Variants in TRPV2 observed in about 807,000 individuals in gnomAD.
TRPV2 encodes OTRPC2.
A neutral mutation model predicts 91.0 loss-of-function variants in TRPV2; 58 were observed. The ratio of observed to expected loss-of-function variants is 0.64; its 90% CI spans 0.52 to 0.79. The LOEUF is 0.79. Among genes scored for constraint, TRPV2 ranks in the 30% least tolerant of loss-of-function variants. The pLI is 0.00. For missense variants in TRPV2, 807 were observed against 969.6 expected (o/e 0.83, Z 2.23); for synonymous variants, 417 against 414.8 (o/e 1.01, Z -0.06).
intron 9 of TRPV2, 114 bp from the exon 10 acceptor site, chr17:16,428,703 C>A: frequency 8.3e-7 from 1 of 1,209,622 alleles, no homozygotes; most frequent in Non-Finnish European, 1.2e-6. Context: ...CTGAGGCCCA[C>A]AGAGGTTAAA....
chr17:16,419,388 T>C (rs1326964277), intron 2 of TRPV2: 1 of 470,892 alleles, frequency 2.1e-6, no homozygotes, highest in East Asian at 6.9e-5. Context: ...GTTTCAACAT[T>C]GGGCCCAGCG....
At chr17:16,422,497 T>C in intron 3 of TRPV2, 102 bp from the exon 4 acceptor site, 1 of 1,224,646 alleles carries the variant, frequency 8.2e-7, no homozygotes, top group South Asian at 1.4e-5. Flanking sequence ...CTTTTAATCC[T>C]CCCAAGGGGT....
chr17:16,433,838 A>G, intron 13 of TRPV2, 140 bp downstream of exon 13: 1 of 1,269,482 alleles, frequency 7.9e-7, no homozygotes, highest in Non-Finnish European at 1.1e-6. Context: ...ACTGAGCCTG[A>G]GCAGGTGAGG....
intron 13 of TRPV2, among the ~76,000 whole-genome samples, chr17:16,434,369 G>A (rs930754457): frequency 5.3e-5 from 8 of 151,342 alleles, no homozygotes; most frequent in African/African-American, 1.2e-4. Context: ...TCAGGAGGCC[G>A]ACGCAGGAGA....
In TRPV2 at chr17:16,417,733, G is replaced by A; in HGVS notation, c.65G>A (p.Gly22Asp). 1 of 1,614,224 alleles carries A rather than the reference G, an allele frequency of 6.2e-7. No individual in the cohort carries two copies. Among genetic ancestry groups the A allele is most frequent in the South Asian group, 1.1e-5 (1 of 91,088 alleles). ...ACATTAGATGGAGGCCAAGAAGATG[G>A]CTCTGAGGCGGACAGAGGAAAGCTG... is the stretch of plus-strand genomic sequence containing the variant. Reference protein sequence around the residue: ...LETLDGGQEDGSEADRGKLDF... With the variant: ...LETLDGGQEDDSEADRGKLDF... The change falls in exon 2 of 15, where the codon GGC (glycine) becomes GAC (aspartate). Residue 22 changes from glycine (G) to aspartate (D), a missense_variant. By Grantham distance (94) the Gly-to-Asp change is moderately conservative (BLOSUM62 -1). Coordinates refer to ENST00000338560, the MANE Select transcript of TRPV2 (RefSeq NM_016113.5).
In TRPV2 at chr17:16,434,915, T is replaced by C. The variant is rs1483088829; in HGVS notation, c.2140T>C (p.Trp714Arg). The change falls in exon 14 of 15, where the codon TGG becomes CGG. Residue 714 changes from tryptophan (W) to arginine (R), a missense_variant. By Grantham distance (101) the Trp-to-Arg change is moderately radical (BLOSUM62 -3). Coordinates refer to ENST00000338560, the MANE Select transcript of TRPV2 (RefSeq NM_016113.5). ...GGTGGAGGAGGTGAACTGGGCTTCA[T>C]GGGAGCAGACGCTGCCTACGCTGTG... The part of the protein sequence containing the change: ...FRVEEVNWAS[W>R]EQTLPTLCED... The C allele has an allele frequency of 6.2e-6, 10 of 1,612,220 alleles. No homozygotes were observed. The South Asian group carries it at 8.8e-5, about 14-fold the overall frequency.
intron 14 of TRPV2, among the ~76,000 whole-genome samples, chr17:16,436,280 T>A (rs1461067461): frequency 6.6e-6 from 1 of 152,160 alleles, no homozygotes; most frequent in African/African-American, 2.4e-5. Context: ...ACACAATGCC[T>A]CCCACTACCT....
At chr17:16,423,342 T>G (rs2093367035) in intron 4 of TRPV2, 127 bp from the exon 5 acceptor site, 3 of 1,114,282 alleles carry the variant, frequency 2.7e-6, no homozygotes, top group Non-Finnish European at 3.7e-6. Context: ...GCCCCTGTTC[T>G]GCTCCCTTCA....
At chr17:16,422,249 G>A (rs1044101213) in intron 3 of TRPV2, among the ~76,000 whole-genome samples, 1 of 151,516 alleles carries the variant, frequency 6.6e-6, no homozygotes, top group Admixed American at 6.6e-5. Context: ...CGTGAACCTG[G>A]GAGGCAGAGC....
In TRPV2 at chr17:16,426,073, T is replaced by A. The variant is rs1163251319; in HGVS notation, c.925-26T>A. On this transcript the variant is annotated intron_variant, in intron 5 of 14. Coordinates refer to ENST00000338560, the MANE Select transcript of TRPV2 (RefSeq NM_016113.5). The surrounding 1 kb of genome is among the most constrained non-coding windows in gnomAD (Gnocchi z 6.0). ...ATCAGTGCCAGGAAGGGACCATGAA[T>A]GCAAGCTCATATGGCCACCCTGCAG... 1 of 1,613,564 alleles carries A rather than the reference T, an allele frequency of 6.2e-7. No individual in the cohort carries two copies.
chr17:16,434,594 C>A, intron 13 of TRPV2: 1 of 349,460 alleles, frequency 2.9e-6, no homozygotes, highest in Non-Finnish European at 5.1e-6. Flanking sequence ...AACCCGGAAG[C>A]ACAGATACAC....
At position 16,432,327 on chromosome 17, in the gene TRPV2, C is replaced by G. The variant is rs201763189; in HGVS notation, c.1989+27C>G. On this transcript the variant is annotated intron_variant, in intron 12 of 14. Coordinates refer to ENST00000338560, the MANE Select transcript of TRPV2 (RefSeq NM_016113.5). ...TGCCACCAGAGAGGCTCCCTGCCCC[C>G]ACCCCACCCCACACTCAGGCGGTGG... 5.4e-5 allele frequency: 85 copies of G among 1,573,696 alleles called. No individual in the cohort carries two copies. In the East Asian group the frequency reaches 1.9e-3, roughly 35 times the overall value.
chr17:16,426,058 G>A lies in TRPV2; in HGVS notation c.925-41G>A. 6.2e-7 allele frequency: 1 copy of A among 1,610,606 alleles called. No individual in the cohort carries two copies. The highest frequency in any genetic ancestry group is 8.5e-7 in the Non-Finnish European group (1 of 1,177,562). ...CAGCCTTGGCCCAGGATCAGTGCCA[G>A]GAAGGGACCATGAATGCAAGCTCAT... On this transcript the variant is annotated intron_variant, in intron 5 of 14. Transcript: ENST00000338560. The surrounding 1 kb of genome is among the most constrained non-coding windows in gnomAD (Gnocchi z 6.0).
intron 5 of TRPV2, 87 bp downstream of exon 5, chr17:16,423,854 G>A: frequency 7.5e-7 from 1 of 1,332,502 alleles, no homozygotes; most frequent in East Asian, 2.4e-5. Context: ...CCAGGGGGTG[G>A]TGAAGAGCAG....
In TRPV2 at chr17:16,427,449, C is replaced by A. The variant is rs1366624216; in HGVS notation, c.1252C>A (p.Gln418Lys). The change falls in exon 8 of 15, where the codon CAG (glutamine) becomes AAG (lysine). Residue 418 changes from glutamine to lysine, a missense_variant and splice_region_variant. Physicochemically the swap from Gln to Lys is moderately conservative, Grantham distance 53 (BLOSUM62 1). Transcript: ENST00000338560. ...VAYHQPTLKK[Q>K]AAPHLKAEVG... ...AGGTCTCATCTGAGTGTGTCTTCAG[C>A]AGGCCGCCCCTCACCTGAAAGCGGA... 1 of 1,613,348 alleles carries A rather than the reference C, an allele frequency of 6.2e-7. No homozygotes were observed. The highest frequency in any genetic ancestry group is 1.3e-5 in the African/African-American group (1 of 74,910).
chr17:16,421,952 A>G (rs2093359582), intron 3 of TRPV2, among the ~76,000 whole-genome samples: 1 of 152,188 alleles, frequency 6.6e-6, no homozygotes, highest in African/African-American at 2.4e-5. Context: ...ATGTACAAAT[A>G]CTGCTCTGAA....
chr17:16,422,799 G>C lies in TRPV2; in HGVS notation c.535G>C (p.Val179Leu). The C allele has an allele frequency of 1.9e-6, 3 of 1,573,894 alleles. No individual in the cohort carries two copies. Among genetic ancestry groups the C allele is most frequent in the Non-Finnish European group, 1.7e-6 (2 of 1,157,774 alleles). ...IAIEKRSLQC[V>L]KLLVENGANV... The stretch of plus-strand genomic sequence containing the variant: ...CATTGAGAAGAGGAGTCTGCAGTGT[G>C]TGAAGCTCCTGGTGGAGAATGGGGC... Residue 179 changes from valine to leucine, a missense_variant, in exon 4 of 15, where the codon GTG (valine) becomes CTG (leucine). Physicochemically the swap from Val to Leu is conservative, Grantham distance 32. Transcript: ENST00000338560.
chr17:16,420,403 A>C (rs916427248), intron 3 of TRPV2, among the ~76,000 whole-genome samples, 155 bp downstream of exon 3: 5 of 152,106 alleles, frequency 3.3e-5, no homozygotes, highest in African/African-American at 1.2e-4. Context: ...GGACAGAGTT[A>C]ATCAAGGATG....
chr17:16,432,415 T>C, intron 12 of TRPV2, 115 bp downstream of exon 12: 1 of 839,542 alleles, frequency 1.2e-6, no homozygotes, highest in Non-Finnish European at 1.8e-6. Context: ...GTTGGGCAGC[T>C]CTACCTTGTC....
Sources: gnomAD v4.1 joint callset for allele counts (sites outside exome capture counted in the v4.1 genomes callset) on GRCh38, gnomAD v4.1.1 for gene constraint, Gnocchi (gnomAD v3.1) non-coding constraint, MANE v1.5 for transcripts, NCBI Gene and HGNC (gene_info 2026-07-23, HGNC 2026-07-21) for gene names.